Variants in DAW1 observed in about 807,000 individuals in gnomAD.
The protein encoded by DAW1 is dynein assembly factor with WD repeats 1.
In DAW1, 47 loss-of-function variants were observed where a neutral mutation model predicts 56.5. The observed-to-expected ratio is 0.83, with a 90% confidence interval of 0.66 to 1.06. DAW1 has a LOEUF of 1.06. Ranked by LOEUF, DAW1 falls within the 50% of genes least tolerant of loss-of-function variation. The pLI, the probability that DAW1 is intolerant of heterozygous loss-of-function variation, is 0.00. For missense variants in DAW1, 505 were observed against 499.3 expected (o/e 1.01, Z -0.11); for synonymous variants, 190 against 179.0 (o/e 1.06, Z -0.49).
At chr2:227,908,173 C>T (rs1225061158) in intron 10 of DAW1, among the ~76,000 whole-genome samples, 1 of 152,192 alleles carries the variant, frequency 6.6e-6, no homozygotes, top group East Asian at 1.9e-4. Flanking sequence ...GTCTTATCGC[C>T]TAAGGATCAT....
intron 1 of DAW1, among the ~76,000 whole-genome samples, chr2:227,884,277 T>A (rs1297891007): frequency 6.6e-6 from 1 of 152,232 alleles, no homozygotes; most frequent in Non-Finnish European, 1.5e-5. Context: ...ATTGAAGGAT[T>A]TTTATAATAT....
intron 1 of DAW1, among the ~76,000 whole-genome samples, chr2:227,877,011 C>G (rs1361345059): frequency 1.3e-5 from 2 of 152,146 alleles, no homozygotes; most frequent in East Asian, 1.9e-4. Context: ...TCATTTGAAG[C>G]ATGCCCTTTT....
At chr2:227,880,932 T>C (rs915098293) in intron 1 of DAW1, among the ~76,000 whole-genome samples, 3 of 152,176 alleles carry the variant, frequency 2.0e-5, no homozygotes, top group Admixed American at 2.0e-4. Context: ...ATTAAAGACA[T>C]GGTACCGATG....
At chr2:227,910,495 A>AACACACACACACACAC (rs55741229) in intron 10 of DAW1, among the ~76,000 whole-genome samples, 15,325 of 145,054 alleles carry the variant, frequency 0.11, 1,022 homozygotes, top group Non-Finnish European at 0.16. Context: ...TTTGTGGATG[A>AACACACACACACACAC]ACACACACAC....
Position 227,905,019 on chromosome 2 carries a change from G to T in DAW1, c.739G>T (p.Asp247Tyr). The change falls in exon 8 of 13, where the codon GAC becomes TAC. Residue 247 changes from aspartate (D) to tyrosine (Y), a missense_variant. Coordinates refer to ENST00000309931, the MANE Select transcript of DAW1 (RefSeq NM_178821.3). Reference protein sequence around the residue: ...GSFDHTVVVWDADTGRKVNIL... With the variant: ...GSFDHTVVVWYADTGRKVNIL... ...TTTTGATCATACCGTTGTAGTGTGG[G>T]ACGCTGATACTGGAAGGTAATTCTT... is the stretch of plus-strand genomic sequence containing the variant. 6.2e-7 allele frequency: 1 copy of T among 1,612,946 alleles called. No individual in the cohort carries two copies. Among genetic ancestry groups the T allele is most frequent in the Non-Finnish European group, 8.5e-7 (1 of 1,179,328 alleles).
chr2:227,912,409 TCTCTTTGATCACTGGA>T (rs1462946650), intron 10 of DAW1: 1 of 1,304,898 alleles, frequency 7.7e-7, no homozygotes, highest in South Asian at 1.2e-5. Flanking sequence ...GGTGTGTTCA[TCTCTTTGATCACTGGA>T]CGTGATGCTA....
intron 10 of DAW1, among the ~76,000 whole-genome samples, chr2:227,916,533 A>G (rs1167000690): frequency 6.6e-6 from 1 of 152,130 alleles, no homozygotes; most frequent in Non-Finnish European, 1.5e-5. Context: ...ATGATGCTAT[A>G]CTATTTCTCT....
chr2:227,882,571 G>C (rs1270661509), intron 1 of DAW1, among the ~76,000 whole-genome samples: 2 of 152,204 alleles, frequency 1.3e-5, no homozygotes, highest in African/African-American at 4.8e-5. Context: ...GATGAAATAG[G>C]AAGTACTAAG....
chr2:227,907,891 A>T (rs1691724122), intron 10 of DAW1, among the ~76,000 whole-genome samples: 1 of 152,186 alleles, frequency 6.6e-6, no homozygotes, highest in African/African-American at 2.4e-5. Context: ...TGGCCTTGTC[A>T]ACTTAATTAC....
intron 8 of DAW1, among the ~76,000 whole-genome samples, chr2:227,906,007 G>T (rs532757237): frequency 6.6e-6 from 1 of 152,110 alleles, no homozygotes; most frequent in African/African-American, 2.4e-5. Context: ...CACCTGCCTC[G>T]GCCTCACAGA....
chr2:227,893,082 A>G (rs1691310710), intron 4 of DAW1, among the ~76,000 whole-genome samples: 1 of 150,748 alleles, frequency 6.6e-6, no homozygotes, highest in Non-Finnish European at 1.5e-5. Context: ...AGCCTGGCCA[A>G]CACAGTGAAA....
chr2:227,915,976 T>C (rs553542127), intron 10 of DAW1, among the ~76,000 whole-genome samples: 1 of 152,302 alleles, frequency 6.6e-6, no homozygotes, highest in Non-Finnish European at 1.5e-5. Context: ...TACATATGAT[T>C]ATACATTATT....
At chr2:227,893,348 T>A (rs1691319038) in intron 4 of DAW1, among the ~76,000 whole-genome samples, 2 of 150,628 alleles carry the variant, frequency 1.3e-5, no homozygotes, top group Non-Finnish European at 3.0e-5. Context: ...AACTTTTTGT[T>A]CTGCACACAT....
At chr2:227,906,448 A>C in intron 9 of DAW1, 110 bp downstream of exon 9, 2 of 779,150 alleles carry the variant, frequency 2.6e-6, no homozygotes, top group Non-Finnish European at 3.6e-6. Flanking sequence ...AAATTAAGAT[A>C]TTAATTTACA....
intron 1 of DAW1, among the ~76,000 whole-genome samples, chr2:227,881,124 G>A (rs2106187620): frequency 6.6e-6 from 1 of 152,312 alleles, no homozygotes; most frequent in African/African-American, 2.4e-5. Flanking sequence ...AGGACATATT[G>A]TTTATAGTAT....
intron 10 of DAW1, among the ~76,000 whole-genome samples, chr2:227,911,590 T>C (rs1691830154): frequency 6.6e-6 from 1 of 152,072 alleles, no homozygotes; most frequent in Admixed American, 6.6e-5. Flanking sequence ...CAAAGGGCTG[T>C]GCTATACCTT....
chr2:227,909,998 A>G (rs1448315201), intron 10 of DAW1, among the ~76,000 whole-genome samples: 2 of 152,194 alleles, frequency 1.3e-5, no homozygotes, highest in African/African-American at 4.8e-5. Context: ...CACATATGAC[A>G]TTATACTACA....
At chr2:227,893,942 G>T (rs757949506) in intron 5 of DAW1, 25 bp downstream of exon 5, 1 of 1,535,994 alleles carries the variant, frequency 6.5e-7, no homozygotes, top group South Asian at 1.2e-5. Context: ...TCACTTATTT[G>T]TTTATTAATT....
chr2:227,920,923 C>T (rs1322688137), intron 11 of DAW1, among the ~76,000 whole-genome samples: 1 of 152,160 alleles, frequency 6.6e-6, no homozygotes, highest in Non-Finnish European at 1.5e-5. Context: ...AGGTGATCCA[C>T]CTGCCTTGGC....
Sources: allele counts gnomAD v4.1 joint callset (sites outside exome capture counted in the v4.1 genomes callset), GRCh38; gene constraint gnomAD v4.1.1; transcripts MANE v1.5; gene names NCBI Gene and HGNC (gene_info 2026-07-23, HGNC 2026-07-21).